Variants in TRMT11 observed in about 807,000 individuals in gnomAD.
TRMT11 encodes the protein tRNA (guanine(10)-N(2))-methyltransferase TRMT11.
In TRMT11, 53 loss-of-function variants were observed where a neutral mutation model predicts 62.8. That is an observed-to-expected ratio of 0.84 (90% CI 0.68 to 1.06). The LOEUF (loss-of-function observed/expected upper bound fraction) is 1.06. Among genes scored for constraint, TRMT11 ranks in the 50% least tolerant of loss-of-function variants. The pLI is 0.00. For synonymous variants in TRMT11, 188 were observed against 190.3 expected (o/e 0.99, Z 0.10); for missense variants, 556 against 553.4 (o/e 1.00, Z -0.05).
chr6:126,133,401 G>A (rs1777811681), intron 21 of TRMT11, among the ~76,000 whole-genome samples: 1 of 152,024 alleles, frequency 6.6e-6, no homozygotes, highest in Admixed American at 6.6e-5. Context: ...TTTTGAGGTT[G>A]ATGCAGAGCT....
At chr6:126,026,267 C>T (rs920788922) in intron 12 of TRMT11, among the ~76,000 whole-genome samples, 3 of 152,196 alleles carry the variant, frequency 2.0e-5, no homozygotes, top group African/African-American at 7.2e-5. Flanking sequence ...GAGACCAAAA[C>T]TCCTCTTTGT....
At chr6:126,268,810 A>G in the TRMT11 span, among the ~76,000 whole-genome samples, 24 of 152,342 alleles carry the variant, frequency 1.6e-4, no homozygotes, top group African/African-American at 4.6e-4. Flanking sequence ...ACAAAATTGG[A>G]TGTATAGGTA....
At chr6:126,205,295 G>A (rs963373393), downstream of TRMT11, among the ~76,000 whole-genome samples, 2 of 152,154 alleles carry the variant, frequency 1.3e-5, no homozygotes, top group African/African-American at 2.4e-5. Context: ...ACGAGGTCAG[G>A]AGTTCAAGAC....
chr6:126,134,181 A>C (rs1288360679), intron 21 of TRMT11, among the ~76,000 whole-genome samples: 2 of 151,950 alleles, frequency 1.3e-5, no homozygotes, highest in East Asian at 3.9e-4. Flanking sequence ...AAATGAACTA[A>C]ATTAGTCACT....
intron 21 of TRMT11, among the ~76,000 whole-genome samples, chr6:126,142,869 A>G (rs1310267130): frequency 6.6e-6 from 1 of 152,070 alleles, no homozygotes; most frequent in Non-Finnish European, 1.5e-5. Context: ...CAATTTTCTA[A>G]ACTGTAGAAT....
intron 8 of TRMT11, chr6:126,009,497 A>G (rs766962239): frequency 7.2e-5 from 11 of 152,042 alleles, no homozygotes; most frequent in African/African-American, 2.2e-4. Flanking sequence ...GGTATTCATT[A>G]TAATAACTGG....
At chr6:126,147,903 A>T (rs1777992263) in intron 21 of TRMT11, among the ~76,000 whole-genome samples, 1 of 151,974 alleles carries the variant, frequency 6.6e-6, no homozygotes, top group Non-Finnish European at 1.5e-5. Context: ...TCGTGGGGGT[A>T]GGGGGCTAGG....
At chr6:126,016,557 G>A (rs1312823642) in intron 11 of TRMT11, among the ~76,000 whole-genome samples, 1 of 152,050 alleles carries the variant, frequency 6.6e-6, no homozygotes, top group Admixed American at 6.6e-5. Flanking sequence ...TAAACTGAAT[G>A]TATTTCTAAA....
the TRMT11 span, among the ~76,000 whole-genome samples, chr6:126,253,198 AGGC>A: frequency 6.6e-6 from 1 of 151,978 alleles, no homozygotes; most frequent in Non-Finnish European, 1.5e-5. Context: ...GCACTTTGGG[AGGC>A]TGGGTCTACA....
chr6:126,260,415 A>G, the TRMT11 span, among the ~76,000 whole-genome samples: 6 of 152,126 alleles, frequency 3.9e-5, no homozygotes, highest in South Asian at 8.3e-4. Context: ...GTTGTCGTTG[A>G]CCACTTTTAC....
chr6:126,120,071 C>T (rs1262255832), intron 21 of TRMT11, among the ~76,000 whole-genome samples: 6 of 151,858 alleles, frequency 4.0e-5, no homozygotes, highest in Admixed American at 3.9e-4. Flanking sequence ...GTCAGGAGTT[C>T]GAAACCAGCC....
intron 21 of TRMT11, among the ~76,000 whole-genome samples, chr6:126,134,109 T>C (rs1352625933): frequency 6.6e-6 from 1 of 151,864 alleles, no homozygotes; most frequent in African/African-American, 2.4e-5. Context: ...AGACAACAAT[T>C]AGTAAACAAG....
intron 12 of TRMT11, among the ~76,000 whole-genome samples, chr6:126,031,682 G>A (rs911092072): frequency 2.6e-5 from 4 of 152,176 alleles, no homozygotes; most frequent in Admixed American, 1.3e-4. Context: ...ATCAGCTGGA[G>A]ATGACCTGGA....
chr6:126,133,365 A>G (rs1777810950), intron 21 of TRMT11, among the ~76,000 whole-genome samples: 1 of 152,038 alleles, frequency 6.6e-6, no homozygotes, highest in African/African-American at 2.4e-5. Context: ...TAAGGAGCAT[A>G]TACAAAAAAG....
the TRMT11 span, chr6:126,257,907 T>G: frequency 6.7e-7 from 1 of 1,499,302 alleles, no homozygotes; most frequent in Non-Finnish European, 9.3e-7. Flanking sequence ...ACCATTCACC[T>G]GGGTCAAGGA....
At chr6:126,191,343 T>G (rs1778596868) in intron 1 of TRMT11, among the ~76,000 whole-genome samples, 1 of 152,142 alleles carries the variant, frequency 6.6e-6, no homozygotes, top group Admixed American at 6.5e-5. Context: ...TTCTGGTTAT[T>G]AACCCCTTGA....
downstream of TRMT11, among the ~76,000 whole-genome samples, chr6:126,039,526 G>A (rs1775798869): frequency 6.6e-6 from 1 of 152,030 alleles, no homozygotes; most frequent in African/African-American, 2.4e-5. Context: ...TTTTGGTTTA[G>A]AAAGTAACGG....
chr6:126,053,642 C>G (rs1451269934), intron 17 of TRMT11, among the ~76,000 whole-genome samples: 1 of 152,108 alleles, frequency 6.6e-6, no homozygotes, highest in Admixed American at 6.5e-5. Context: ...TCCACATTTT[C>G]CCCTCCCCTC....
At chr6:126,187,463 A>T (rs1399822745) in intron 1 of TRMT11, among the ~76,000 whole-genome samples, 1 of 152,040 alleles carries the variant, frequency 6.6e-6, no homozygotes, top group Non-Finnish European at 1.5e-5. Flanking sequence ...ACTTTAAAAG[A>T]TCTAAATTGA....
Sources: gnomAD v4.1 joint callset for allele counts (sites outside exome capture counted in the v4.1 genomes callset) on GRCh38, gnomAD v4.1.1 for gene constraint, MANE v1.5 for transcripts, NCBI Gene and HGNC (gene_info 2026-07-23, HGNC 2026-07-21) for gene names.